Variants in NEURL1 observed in about 807,000 individuals in gnomAD.
NEURL1 encodes the protein E3 ubiquitin-protein ligase NEURL1.
A neutral mutation model predicts 41.2 loss-of-function variants in NEURL1; 26 were observed. That is an observed-to-expected ratio of 0.63 (90% confidence interval 0.46 to 0.87). The LOEUF (loss-of-function observed/expected upper bound fraction) is 0.87. NEURL1 is among the 40% of genes least tolerant of loss of function. NEURL1 has a pLI of 0.00. For missense variants in NEURL1, 761 were observed against 871.1 expected (o/e 0.87, Z 1.59); for synonymous variants, 400 against 402.3 (o/e 0.99, Z 0.07).
chr10:103,543,884 A>T (rs1286364854), intron 1 of NEURL1, among the ~76,000 whole-genome samples: 1 of 152,138 alleles, frequency 6.6e-6, no homozygotes, highest in East Asian at 1.9e-4. Flanking sequence ...TCTAGAACAC[A>T]ACTGGCTCGT....
intron 1 of NEURL1, chr10:103,511,959 A>C (rs2034082415): frequency 1.3e-5 from 2 of 152,256 alleles, no homozygotes; most frequent in Admixed American, 1.3e-4. Context: ...ACATCCAGTT[A>C]GTTCTCTGCT....
intron 1 of NEURL1, among the ~76,000 whole-genome samples, chr10:103,537,672 G>A (rs2034722337): frequency 6.6e-6 from 1 of 152,216 alleles, no homozygotes; most frequent in Non-Finnish European, 1.5e-5. Flanking sequence ...GGGATTACAG[G>A]CGTGAGCCAC....
intron 1 of NEURL1, among the ~76,000 whole-genome samples, chr10:103,533,832 G>A (rs192043107): frequency 0.016 from 2,417 of 151,520 alleles, 52 homozygotes; most frequent in Admixed American, 0.063. Flanking sequence ...CACCGCTCCC[G>A]GCCTAATTTT....
intron 1 of NEURL1, among the ~76,000 whole-genome samples, chr10:103,567,646 G>C (rs1015959191): frequency 5.9e-5 from 9 of 152,162 alleles, no homozygotes; most frequent in African/African-American, 2.2e-4. Context: ...TGATCCTCCT[G>C]CCTTGGCCTC....
In NEURL1 at chr10:103,584,851, A is replaced by T; in HGVS notation, c.965A>T (p.Glu322Val). Residue 322 changes from glutamate (E) to valine (V), a missense_variant, in exon 4 of 6, where the codon GAG becomes GTG. Glu to Val is a moderately radical substitution (Grantham distance 121, BLOSUM62 -2). Coordinates refer to ENST00000369780, the MANE Select transcript of NEURL1 (RefSeq NM_004210.5). Reference sequence around the variant, plus strand: ...GCGCGCGTGGAGCACGGGCGCGACGAGCGCGCGCTCGTCTTCACCAGCCGG... The same window carrying T: ...GCGCGCGTGGAGCACGGGCGCGACGTGCGCGCGCTCGTCTTCACCAGCCGG... ...TVARVEHGRDERALVFTSRPV... is the reference protein window; with the variant it reads ...TVARVEHGRDVRALVFTSRPV... The T allele has an allele frequency of 3.2e-6, 4 of 1,234,856 alleles. No individual in the cohort carries two copies. The highest frequency in any genetic ancestry group is 3.1e-6 in the Non-Finnish European group (3 of 973,220). The allele number at this position is 1,234,856 out of a possible 1,614,324, so 76.5% of individuals were successfully genotyped here.
intron 1 of NEURL1, among the ~76,000 whole-genome samples, chr10:103,513,160 AG>A (rs929754318): frequency 6.6e-6 from 1 of 152,010 alleles, no homozygotes; most frequent in Non-Finnish European, 1.5e-5. Flanking sequence ...CCTCCCTGGC[AG>A]CCCCCAGGTC....
chr10:103,528,217 G>A (rs899465922), intron 1 of NEURL1, among the ~76,000 whole-genome samples: 2 of 152,238 alleles, frequency 1.3e-5, no homozygotes, highest in African/African-American at 2.4e-5. Context: ...TTAGCTGGGC[G>A]TGGTGGCAGG....
At chr10:103,554,075 A>G (rs2035091914) in intron 1 of NEURL1, among the ~76,000 whole-genome samples, 1 of 152,138 alleles carries the variant, frequency 6.6e-6, no homozygotes, top group East Asian at 1.9e-4. Flanking sequence ...TGCCACCCAC[A>G]CAGTTCCTGG....
chr10:103,549,453 C>T (rs894127189), intron 1 of NEURL1, among the ~76,000 whole-genome samples: 24 of 152,202 alleles, frequency 1.6e-4, no homozygotes, highest in Non-Finnish European at 1.5e-5. Flanking sequence ...TCTCACTCTT[C>T]CAGACTCGAG....
intron 1 of NEURL1, among the ~76,000 whole-genome samples, chr10:103,503,074 C>T (rs1294406001): frequency 1.3e-5 from 2 of 152,236 alleles, no homozygotes; most frequent in Non-Finnish European, 2.9e-5. Flanking sequence ...GCCAGCTTCC[C>T]AAATAGCCTG....
chr10:103,576,939 G>GC lies in NEURL1; in HGVS notation c.649+5118dup, dbSNP rs1421382850. Among the ~76,000 whole-genome samples, 7 of 152,110 alleles carry GC rather than the reference G, an allele frequency of 4.6e-5. No homozygotes were observed. The East Asian group carries it at 9.7e-4, about 21-fold the overall frequency. ...GGTCCCCTATCCAGGGTGTGCCTCA[G>GC]CTTGGAGGTGCTGAGCATGAGTGAT... On this transcript the variant is annotated intron_variant, in intron 3 of 5. Transcript: ENST00000369780.
intron 1 of NEURL1, among the ~76,000 whole-genome samples, chr10:103,523,105 A>G (rs1564809443): frequency 6.6e-6 from 1 of 152,132 alleles, no homozygotes; most frequent in Non-Finnish European, 1.5e-5. Flanking sequence ...GTATCAACTC[A>G]AACACTTATC....
At chr10:103,555,450 C>G (rs768995903) in intron 1 of NEURL1, 1 of 1,342,074 alleles carries the variant, frequency 7.5e-7, no homozygotes, top group Non-Finnish European at 9.9e-7. Flanking sequence ...CCGCCCACCC[C>G]AGCCCGAGAC....
intron 1 of NEURL1, among the ~76,000 whole-genome samples, chr10:103,503,959 TTTTA>T (rs56135179): frequency 0.076 from 10,278 of 135,982 alleles, 435 homozygotes; most frequent in Non-Finnish European, 0.1. Flanking sequence ...CTGGCTAGTA[TTTTA>T]TTTATTTATT....
chr10:103,568,486 G>A (rs1275230198), intron 1 of NEURL1, among the ~76,000 whole-genome samples: 1 of 152,108 alleles, frequency 6.6e-6, no homozygotes, highest in Non-Finnish European at 1.5e-5. Flanking sequence ...CTGGGGAGGG[G>A]GAACCCCAAA....
chr10:103,570,640 C>A (rs11191731), intron 1 of NEURL1, among the ~76,000 whole-genome samples: 7,052 of 149,932 alleles, frequency 0.047, 252 homozygotes, highest in East Asian at 0.19. Flanking sequence ...ATGGAGAATG[C>A]CGAGGTGAGA....
In NEURL1 at chr10:103,559,806, G is replaced by A. The variant is rs1592222443; in HGVS notation, c.86-11066G>A. On this transcript the variant is annotated intron_variant, in intron 1 of 5. Transcript: ENST00000369780. ...AAGGTTTTTGTGGAGGCTCCTCTAG[G>A]TCTGTGTGTGCTTGCCAGTGCATGC... Among the ~76,000 whole-genome samples, 3 of 152,132 alleles carry A rather than the reference G, an allele frequency of 2.0e-5. 1 individual carries two copies. The highest frequency in any genetic ancestry group is 6.8e-3 in the Middle Eastern group (2 of 294).
At chr10:103,582,604 G>T (rs890329839) in intron 3 of NEURL1, among the ~76,000 whole-genome samples, 5 of 152,000 alleles carry the variant, frequency 3.3e-5, no homozygotes, top group Non-Finnish European at 5.9e-5. Flanking sequence ...GCAGTGAAAG[G>T]GTGAAAGAAA....
In NEURL1 at chr10:103,588,941, T is replaced by TG. The variant is rs1288566223; in HGVS notation, c.1340-572dup. ...AGCCTGGCGACAGCGAGACTCCGTCTGAAAAAAAAAAAAAAAAAAAGGAGA... is the reference window on the plus strand; with the variant it reads ...AGCCTGGCGACAGCGAGACTCCGTCTGGAAAAAAAAAAAAAAAAAAAGGAGA... On this transcript the variant is annotated intron_variant, in intron 4 of 5. Coordinates refer to ENST00000369780, the MANE Select transcript of NEURL1 (RefSeq NM_004210.5). 1.7e-5 allele frequency: 5 copies of TG among 287,090 alleles called. No individual in the cohort carries two copies. In the East Asian group the frequency reaches 4.7e-4, roughly 27 times the overall value. The allele number at this position is 287,090 out of a possible 1,614,324, so 17.8% of individuals were successfully genotyped here. A position where few individuals can be genotyped will look rare whatever the true frequency, so the allele number is the denominator to read the frequency against.
Sources: allele counts gnomAD v4.1 joint callset (sites outside exome capture counted in the v4.1 genomes callset), GRCh38; gene constraint gnomAD v4.1.1; transcripts MANE v1.5; gene names NCBI Gene and HGNC (gene_info 2026-07-23, HGNC 2026-07-21).